Variants in CERK observed in about 807,000 individuals in gnomAD.
CERK encodes acylsphingosine kinase.
CERK carries 39 observed loss-of-function variants against 63.4 expected under a neutral mutation model. The observed-to-expected ratio is 0.61, with a 90% confidence interval of 0.48 to 0.80. CERK has a LOEUF of 0.80. Among genes scored for constraint, CERK ranks in the 30% least tolerant of loss-of-function variants. The probability of loss-of-function intolerance (pLI) is 0.00; values close to 1 mark genes in which losing one functional copy is unlikely to be tolerated. For missense variants in CERK, 670 were observed against 714.1 expected, an observed-to-expected ratio of 0.94 and a Z score of 0.70; for synonymous variants, 302 against 280.0, an observed-to-expected ratio of 1.08 and a Z score of -0.78.
chr22:46,710,535 C>A (rs1025641113), intron 5 of CERK, among the ~76,000 whole-genome samples: 1 of 151,902 alleles, frequency 6.6e-6, no homozygotes, highest in Non-Finnish European at 1.5e-5. Flanking sequence ...TGACTAATTT[C>A]ATTTCTAGGA....
intron 11 of CERK, among the ~76,000 whole-genome samples, chr22:46,690,858 T>C (rs2082726613): frequency 6.6e-6 from 1 of 152,160 alleles, no homozygotes; most frequent in South Asian, 2.1e-4. Flanking sequence ...TTGTTCTGTT[T>C]TTAAATAGGA....
intron 1 of CERK, chr22:46,735,076 A>AAC (rs3083469): frequency 0.5 from 75,456 of 149,486 alleles, 19,784 homozygotes; most frequent in Non-Finnish European, 0.6. Flanking sequence ...CTCACCCCCC[A>AAC]ACACACACAC....
intron 1 of CERK, among the ~76,000 whole-genome samples, chr22:46,727,147 A>C (rs1385301625): frequency 6.6e-6 from 1 of 152,220 alleles, no homozygotes. Flanking sequence ...GATGATGAAG[A>C]AAATCTCACA....
chr22:46,699,267 T>G (rs753908234), intron 8 of CERK, 46 bp downstream of exon 8: 54 of 1,598,718 alleles, frequency 3.4e-5, no homozygotes, highest in East Asian at 2.0e-4. Flanking sequence ...GTGAAGGCAG[T>G]CGGGGCACGA....
At chr22:46,701,807 T>G in intron 6 of CERK, 97 bp from the exon 7 acceptor site, 1 of 848,772 alleles carries the variant, frequency 1.2e-6, no homozygotes. Flanking sequence ...TTTCCTTCCA[T>G]GGCCCTAGAG....
Position 46,690,100 on chromosome 22 carries a change from T to A in CERK, c.1433A>T (p.Lys478Met). 1 of 1,614,074 alleles carries A rather than the reference T, an allele frequency of 6.2e-7. No homozygotes were observed. The highest frequency in any genetic ancestry group is 8.5e-7 in the Non-Finnish European group (1 of 1,180,022). ...EDSDLKEGGK[K>M]RFGHICSSHP... The stretch of plus-strand genomic sequence containing the variant: ...GCTGCTGCAAATGTGCCCAAAGCGC[T>A]TCTTCCCCCCCTCCTTGAGGTCGCT... Residue 478 changes from lysine (K) to methionine (M), a missense_variant, in exon 12 of 13, where the codon AAG becomes ATG. By Grantham distance (95) the Lys-to-Met change is moderately conservative. Coordinates refer to ENST00000216264, the MANE Select transcript of CERK (RefSeq NM_022766.6).
chr22:46,722,213 A>T (rs2082895828), intron 1 of CERK, among the ~76,000 whole-genome samples: 1 of 152,246 alleles, frequency 6.6e-6, no homozygotes, highest in Non-Finnish European at 1.5e-5. Flanking sequence ...ATGCAAAAAA[A>T]ATTGCTATAA....
chr22:46,731,785 G>T (rs1014829290), intron 1 of CERK, among the ~76,000 whole-genome samples: 4 of 152,214 alleles, frequency 2.6e-5, no homozygotes, highest in Admixed American at 6.5e-5. Context: ...CAGGCCACAG[G>T]CACGCATGGG....
At chr22:46,692,310 C>T (rs1601709003) in intron 10 of CERK, among the ~76,000 whole-genome samples, 2 of 151,894 alleles carry the variant, frequency 1.3e-5, no homozygotes, top group African/African-American at 4.8e-5. Context: ...CCTGTAATCC[C>T]AGCTGCTGGG....
chr22:46,723,404 G>A (rs1372411755), intron 1 of CERK, among the ~76,000 whole-genome samples: 3 of 151,994 alleles, frequency 2.0e-5, no homozygotes, highest in South Asian at 2.1e-4. Flanking sequence ...AGAGCACTTC[G>A]GGTCAGGAGT....
intron 9 of CERK, chr22:46,693,775 C>T: frequency 7.3e-6 from 3 of 408,190 alleles, no homozygotes; most frequent in African/African-American, 2.0e-5. Context: ...ACGGTTTCTG[C>T]CTGGCCCTCC....
chr22:46,698,869 C>G (rs1433955379), intron 8 of CERK, among the ~76,000 whole-genome samples: 3 of 151,900 alleles, frequency 2.0e-5, no homozygotes, highest in Non-Finnish European at 2.9e-5. Context: ...CTACTGCACT[C>G]CAGCCTGAGT....
At chr22:46,733,223 A>G (rs954910815) in intron 1 of CERK, among the ~76,000 whole-genome samples, 2 of 151,134 alleles carry the variant, frequency 1.3e-5, no homozygotes, top group African/African-American at 4.9e-5. Flanking sequence ...AAAAAAAAAA[A>G]AAAAAAATTA....
chr22:46,711,009 A>AGC, intron 5 of CERK, 77 bp downstream of exon 5: 1 of 1,156,728 alleles, frequency 8.6e-7, no homozygotes. Context: ...TAGGAAAAGG[A>AGC]GCTCTCAAAA....
At chr22:46,690,631 G>T (rs907912690) in intron 11 of CERK, among the ~76,000 whole-genome samples, 2 of 152,148 alleles carry the variant, frequency 1.3e-5, no homozygotes, top group African/African-American at 4.8e-5. Context: ...CATTAGACTA[G>T]ATCTTAAATA....
intron 10 of CERK, 55 bp from the exon 11 acceptor site, chr22:46,691,832 C>CA: frequency 1.3e-6 from 2 of 1,510,400 alleles, no homozygotes; most frequent in Non-Finnish European, 1.8e-6. Flanking sequence ...CGGGCAGCGC[C>CA]CTGCACCAGG....
intron 12 of CERK, among the ~76,000 whole-genome samples, chr22:46,689,044 T>C (rs1335788657): frequency 2.0e-5 from 3 of 152,240 alleles, no homozygotes; most frequent in African/African-American, 4.8e-5. Context: ...TGGGCCCCAG[T>C]GGGTGTGGGG....
rs568727672 is a variant in CERK at position 46,689,184 on chromosome 22, C to T, written c.1541+808G>A. ...CCCCTAGGCTGCGTGGCCTCCAGCA[C>T]GGGGCGTCCCTCTGGGGCTCCTCCT... is the stretch of plus-strand genomic sequence containing the variant. On this transcript the variant is annotated intron_variant, in intron 12 of 12. Transcript: ENST00000216264. Among the ~76,000 whole-genome samples, 21 of 152,332 alleles carry T rather than the reference C, an allele frequency of 1.4e-4. No homozygotes were observed. The East Asian group carries it at 2.5e-3, about 18-fold the overall frequency.
At chr22:46,736,616 T>TG (rs1323449115) in intron 1 of CERK, among the ~76,000 whole-genome samples, 3 of 152,176 alleles carry the variant, frequency 2.0e-5, no homozygotes, top group African/African-American at 7.2e-5. Flanking sequence ...TGGGCCCTGG[T>TG]GGGTGATATT....
Sources: allele counts gnomAD v4.1 joint callset (sites outside exome capture counted in the v4.1 genomes callset), GRCh38; gene constraint gnomAD v4.1.1; transcripts MANE v1.5; gene names NCBI Gene and HGNC (gene_info 2026-07-23, HGNC 2026-07-21).